CNTN4: variants seen among roughly 807,000 people sequenced by gnomAD.
CNTN4 encodes contactin-4.
CNTN4 carries 77 observed loss-of-function variants against 122.5 expected under a neutral mutation model. The observed-to-expected ratio is 0.63, with a 90% CI of 0.52 to 0.76. The LOEUF (loss-of-function observed/expected upper bound fraction) is 0.76. Ranked by LOEUF, CNTN4 falls within the 30% of genes least tolerant of loss-of-function variation. The pLI is 0.00. For synonymous variants in CNTN4, 512 were observed against 447.0 expected (o/e 1.15, Z -1.83); for missense variants, 1,256 against 1,259.1 (o/e 1.00, Z 0.04).
chr3:2,971,789 A>T (rs975858211), intron 13 of CNTN4, among the ~76,000 whole-genome samples: 3 of 152,186 alleles, frequency 2.0e-5, no homozygotes, highest in Non-Finnish European at 4.4e-5. Context: ...GAATGGCAAG[A>T]TATTTCTTTC....
At chr3:2,119,837 G>T (rs539767104) in intron 2 of CNTN4, among the ~76,000 whole-genome samples, 1 of 152,152 alleles carries the variant, frequency 6.6e-6, no homozygotes, top group Admixed American at 6.5e-5. Context: ...GTGTGGTAGG[G>T]GTTACCCAAA....
chr3:2,883,232 G>A lies in CNTN4; in HGVS notation c.740G>A (p.Cys247Tyr). ...TAKGATVKLE[C>Y]FALGNPVPTI... ...AAAGGAGCAACGGTGAAGCTGGAAT[G>A]CTTTGCTTTAGGAAAGTAAGTTCTG... The change falls in exon 9 of 25, where the codon TGC (cysteine) becomes TAC (tyrosine). Residue 247 changes from cysteine (C) to tyrosine (Y), a missense_variant. By Grantham distance (194) the Cys-to-Tyr change is radical (BLOSUM62 -2). Coordinates refer to ENST00000418658, the MANE Select transcript of CNTN4 (RefSeq NM_175607.3). The A allele has an allele frequency of 6.2e-7, 1 of 1,613,444 alleles. No individual in the cohort carries two copies. The highest frequency in any genetic ancestry group is 1.1e-5 in the South Asian group (1 of 90,990).
rs1381913125 is a variant in CNTN4 at position 2,384,754 on chromosome 3, ATGTGTGCGTGTGTGTGTG to A, written c.-89+45528_-89+45545del. Among the ~76,000 whole-genome samples, 4 of 135,396 alleles carry A rather than the reference ATGTGTGCGTGTGTGTGTG, an allele frequency of 3.0e-5. No homozygotes were observed. The East Asian group carries it at 6.3e-4, about 21-fold the overall frequency. The allele number at this position is 135,396 out of a possible 152,430, so 88.8% of individuals were successfully genotyped here. On this transcript the variant is annotated intron_variant, in intron 3 of 24. Transcript: ENST00000418658. The stretch of plus-strand genomic sequence containing the variant: ...TGGCTCCTACACCAGTAACAACTCA[ATGTGTGCGTGTGTGTGTG>A]TGTGTGTGTGTGTGTGTTCATGTTA...
intron 2 of CNTN4, among the ~76,000 whole-genome samples, chr3:2,320,318 TAA>T (rs1302258916): frequency 1.3e-5 from 2 of 152,138 alleles, no homozygotes; most frequent in Non-Finnish European, 1.5e-5. Flanking sequence ...AGCTACTTAA[TAA>T]AAAGTAATCA....
chr3:2,767,965 G>T lies in CNTN4; in HGVS notation c.358+22268G>T, dbSNP rs114229627. Among the ~76,000 whole-genome samples, 165 of 152,290 alleles carry T rather than the reference G, an allele frequency of 1.1e-3. 1 individual carries two copies. Among genetic ancestry groups the T allele is most frequent in the Admixed American group, 2.6e-3 (40 of 15,298 alleles). On this transcript the variant is annotated intron_variant, in intron 6 of 24. Transcript: ENST00000418658. The stretch of plus-strand genomic sequence containing the variant: ...GGGCGTGTAAGGTCATCTGCTGTTT[G>T]CCAACCAAATGGTGAGGCTAGAAAA...
chr3:2,743,659 A>G (rs958945997), intron 5 of CNTN4, among the ~76,000 whole-genome samples: 1 of 152,248 alleles, frequency 6.6e-6, no homozygotes, highest in African/African-American at 2.4e-5. Flanking sequence ...ACCAGCATTT[A>G]TGGAGCACAA....
intron 2 of CNTN4, among the ~76,000 whole-genome samples, chr3:2,304,780 G>GAAAA (rs1553620105): frequency 1.3e-5 from 2 of 150,084 alleles, no homozygotes; most frequent in South Asian, 4.3e-4. Context: ...AATTACAATG[G>GAAAA]AGCTTTTTCC....
intron 13 of CNTN4, among the ~76,000 whole-genome samples, chr3:2,947,819 A>G (rs2151566651): frequency 6.6e-6 from 1 of 152,168 alleles, no homozygotes; most frequent in East Asian, 1.9e-4. Flanking sequence ...TACACAGCTG[A>G]TTGTCAGCCT....
At position 2,938,302 on chromosome 3, in the gene CNTN4, A is replaced by G. The variant is rs2094583472; in HGVS notation, c.1358+12523A>G. On this transcript the variant is annotated intron_variant, in intron 13 of 24. Coordinates refer to ENST00000418658, the MANE Select transcript of CNTN4 (RefSeq NM_175607.3). ...AAAAAATGAGCATTTTCAACCCCCC[A>G]TCTGTCAATAATAATAGTAACACCC... Among the ~76,000 whole-genome samples the G allele has an allele frequency of 2.0e-5, 3 of 150,940 alleles. No homozygotes were observed. The South Asian group carries it at 6.3e-4, about 32-fold the overall frequency.
intron 8 of CNTN4, among the ~76,000 whole-genome samples, chr3:2,870,115 TCAAAAAA>T (rs2093768140): frequency 6.6e-6 from 1 of 152,134 alleles, no homozygotes. Flanking sequence ...AACTGCCTCT[TCAAAAAA>T]CAAGAAACAA....
At chr3:2,220,381 TTACC>T (rs1283725599) in intron 2 of CNTN4, among the ~76,000 whole-genome samples, 1 of 152,188 alleles carries the variant, frequency 6.6e-6, no homozygotes, top group Non-Finnish European at 1.5e-5. Flanking sequence ...CTCAGGGTAC[TTACC>T]TTATTCATAA....
intron 14 of CNTN4, among the ~76,000 whole-genome samples, chr3:2,996,353 A>G (rs1400108485): frequency 6.6e-6 from 1 of 152,174 alleles, no homozygotes; most frequent in African/African-American, 2.4e-5. Flanking sequence ...ATGGTCAGAT[A>G]TTGCAGGCAA....
chr3:2,612,536 C>T (rs2081544303), intron 4 of CNTN4, among the ~76,000 whole-genome samples: 1 of 152,018 alleles, frequency 6.6e-6, no homozygotes. Context: ...AGTCAAGATA[C>T]AACATATACT....
At chr3:2,900,597 T>C in intron 10 of CNTN4, 88 bp from the exon 11 acceptor site, 1 of 1,400,392 alleles carries the variant, frequency 7.1e-7, no homozygotes, top group Non-Finnish European at 1.0e-6. Context: ...TTATTATAAG[T>C]GTACTTTTGC....
In CNTN4 at chr3:2,709,911, T is replaced by C. The variant is rs1034047013; in HGVS notation, c.56-26304T>C. 6.8e-6 allele frequency among the ~76,000 whole-genome samples: 1 copy of C among 148,102 alleles called. No homozygotes were observed. ...CAAGACCCTGTCTCAAACATATAAATACAAAAAAAAAATAAGAATAAACTC... is the reference window on the plus strand; with the variant it reads ...CAAGACCCTGTCTCAAACATATAAACACAAAAAAAAAATAAGAATAAACTC... On this transcript the variant is annotated intron_variant, in intron 4 of 24. Coordinates refer to ENST00000418658, the MANE Select transcript of CNTN4 (RefSeq NM_175607.3). The surrounding 1 kb of genome is among the most constrained non-coding windows in gnomAD (Gnocchi z 5.0).
At chr3:2,517,447 G>A (rs2077071668) in intron 3 of CNTN4, among the ~76,000 whole-genome samples, 1 of 152,118 alleles carries the variant, frequency 6.6e-6, no homozygotes, top group Admixed American at 6.6e-5. Context: ...ATAGTCCTAG[G>A]AGATGGTGTG....
chr3:2,600,258 G>A (rs62232683), intron 4 of CNTN4, among the ~76,000 whole-genome samples: 39,465 of 150,704 alleles, frequency 0.26, 6,374 homozygotes, highest in Middle Eastern at 0.39. Context: ...CAACCTGCAG[G>A]TTTGTTACAT....
intron 13 of CNTN4, among the ~76,000 whole-genome samples, chr3:2,942,969 C>A (rs767090878): frequency 3.1e-4 from 47 of 152,122 alleles, no homozygotes; most frequent in Non-Finnish European, 5.6e-4. Flanking sequence ...TTAATTTTCA[C>A]AACCATGATT....
intron 6 of CNTN4, among the ~76,000 whole-genome samples, chr3:2,780,748 A>T (rs897318181): frequency 1.3e-5 from 2 of 152,230 alleles, no homozygotes; most frequent in African/African-American, 4.8e-5. Context: ...CCACGCCCGT[A>T]TGGATGAAAA....
Sources: allele counts gnomAD v4.1 joint callset (sites outside exome capture counted in the v4.1 genomes callset), GRCh38; gene constraint gnomAD v4.1.1; non-coding constraint Gnocchi (gnomAD v3.1); transcripts MANE v1.5; gene names NCBI Gene and HGNC (gene_info 2026-07-23, HGNC 2026-07-21).